Variants in PITPNB observed in about 807,000 individuals in gnomAD.
PITPNB encodes phosphatidylinositol transfer protein beta.
Under a neutral mutation model 45.9 loss-of-function variants are expected in PITPNB, and 16 were observed. The ratio of observed to expected loss-of-function variants is 0.35; its 90% confidence interval spans 0.24 to 0.53. The LOEUF (loss-of-function observed/expected upper bound fraction) is 0.53. Ranked by LOEUF, PITPNB falls within the 20% of genes least tolerant of loss-of-function variation. PITPNB has a pLI of 0.93. For missense variants in PITPNB, 188 were observed against 330.5 expected, an observed-to-expected ratio of 0.57 and a Z score of 3.34; for synonymous variants, 112 against 108.9, an observed-to-expected ratio of 1.03 and a Z score of -0.18.
chr22:27,892,538 T>C (rs969973577), intron 7 of PITPNB, among the ~76,000 whole-genome samples: 4 of 152,196 alleles, frequency 2.6e-5, no homozygotes, highest in African/African-American at 7.2e-5. Context: ...GGCATACTGC[T>C]GCTTGGTATT....
chr22:27,883,552 A>G (rs1452349060), intron 7 of PITPNB, among the ~76,000 whole-genome samples: 1 of 152,262 alleles, frequency 6.6e-6, no homozygotes, highest in Non-Finnish European at 1.5e-5. Context: ...GCCCTACTCC[A>G]AAGATTCTAA....
chr22:27,898,409 TTG>T (rs1013159265), intron 3 of PITPNB, among the ~76,000 whole-genome samples: 8 of 150,794 alleles, frequency 5.3e-5, no homozygotes, highest in Non-Finnish European at 8.9e-5. Context: ...ATAAAAGGTT[TTG>T]TGTGTGTGTG....
At chr22:27,914,981 T>C (rs933467868) in intron 1 of PITPNB, among the ~76,000 whole-genome samples, 9 of 152,256 alleles carry the variant, frequency 5.9e-5, no homozygotes, top group Non-Finnish European at 7.3e-5. Context: ...GAGTTTCTTA[T>C]TGTATATACC....
chr22:27,876,063 C>T (rs1361089273), intron 7 of PITPNB, among the ~76,000 whole-genome samples: 1 of 152,116 alleles, frequency 6.6e-6, no homozygotes, highest in East Asian at 1.9e-4. Context: ...AAAGACCACC[C>T]AAGCTCCTTC....
At chr22:27,914,416 G>T (rs962610037) in intron 1 of PITPNB, 69 bp from the exon 2 acceptor site, 2 of 914,920 alleles carry the variant, frequency 2.2e-6, no homozygotes, top group Admixed American at 4.8e-5. Flanking sequence ...CTCTGAAGAG[G>T]TTTTACCTTA....
At chr22:27,898,570 T>C (rs1935500725) in intron 3 of PITPNB, among the ~76,000 whole-genome samples, 3 of 152,114 alleles carry the variant, frequency 2.0e-5, no homozygotes, top group African/African-American at 7.2e-5. Context: ...ATACTGTTTC[T>C]TAATGCAAAA....
intron 3 of PITPNB, among the ~76,000 whole-genome samples, chr22:27,902,316 G>A (rs1352104443): frequency 6.6e-6 from 1 of 152,086 alleles, no homozygotes; most frequent in African/African-American, 2.4e-5. Flanking sequence ...CCTCCAGCAT[G>A]GCTAGACTGC....
rs757220408 is a variant in PITPNB at position 27,919,192 on chromosome 22, C to T, written c.-1G>A. The T allele has an allele frequency of 3.7e-6, 6 of 1,613,646 alleles. No individual in the cohort carries two copies. The African/African-American group carries it at 4.0e-5, about 11-fold the overall frequency. On this transcript the variant is annotated 5_prime_UTR_variant, in exon 1 of 12. Transcript: ENST00000335272. Reference sequence around the variant, plus strand: ...CTCACAATTCCTTGATCAGCACCATCTTCCCGGAACCCCCTCACAGCTGCC... The same window carrying T: ...CTCACAATTCCTTGATCAGCACCATTTTCCCGGAACCCCCTCACAGCTGCC...
intron 1 of PITPNB, among the ~76,000 whole-genome samples, chr22:27,916,157 T>C (rs1287700962): frequency 6.6e-6 from 1 of 152,224 alleles, no homozygotes; most frequent in African/African-American, 2.4e-5. Context: ...AAGATCCCTA[T>C]TTTTATTTAA....
At chr22:27,865,910 C>A (rs1026359730) in intron 8 of PITPNB, among the ~76,000 whole-genome samples, 1 of 152,102 alleles carries the variant, frequency 6.6e-6, no homozygotes, top group African/African-American at 2.4e-5. Flanking sequence ...TAAAAAACAA[C>A]CCCAAAGCAA....
At chr22:27,857,465 G>A (rs990309849) in intron 10 of PITPNB, among the ~76,000 whole-genome samples, 1 of 152,120 alleles carries the variant, frequency 6.6e-6, no homozygotes, top group African/African-American at 2.4e-5. Flanking sequence ...AGAAAAATAG[G>A]TTTCCTTTTG....
At chr22:27,915,132 A>C (rs182777356) in intron 1 of PITPNB, among the ~76,000 whole-genome samples, 33 of 152,246 alleles carry the variant, frequency 2.2e-4, no homozygotes, top group Non-Finnish European at 4.1e-4. Context: ...TTCCACCATA[A>C]ATCCTGAAAA....
chr22:27,914,763 C>G (rs926072803), intron 1 of PITPNB, among the ~76,000 whole-genome samples: 1 of 152,202 alleles, frequency 6.6e-6, no homozygotes, highest in Non-Finnish European at 1.5e-5. Context: ...ATGCTTCTTA[C>G]AGAATACGTG....
chr22:27,898,456 T>C (rs964256367), intron 3 of PITPNB, among the ~76,000 whole-genome samples: 1 of 151,664 alleles, frequency 6.6e-6, no homozygotes, highest in Admixed American at 6.6e-5. Flanking sequence ...AAGCAATTAT[T>C]TCTTAAGAAC....
At chr22:27,883,452 A>C (rs1935030579) in intron 7 of PITPNB, among the ~76,000 whole-genome samples, 1 of 152,248 alleles carries the variant, frequency 6.6e-6, no homozygotes, top group South Asian at 2.1e-4. Context: ...CCTATGCTAC[A>C]ATCTTCACCA....
At chr22:27,871,299 C>A (rs1332102137) in intron 8 of PITPNB, among the ~76,000 whole-genome samples, 1 of 152,218 alleles carries the variant, frequency 6.6e-6, no homozygotes, top group Non-Finnish European at 1.5e-5. Flanking sequence ...TAGGAAGGAT[C>A]TGAGCCCAAA....
At chr22:27,878,115 T>C (rs959156058) in intron 7 of PITPNB, among the ~76,000 whole-genome samples, 1 of 152,242 alleles carries the variant, frequency 6.6e-6, no homozygotes, top group Non-Finnish European at 1.5e-5. Context: ...AAGTTTTAAA[T>C]GCATGGGTAT....
chr22:27,859,523 C>T (rs1934259699), intron 9 of PITPNB, among the ~76,000 whole-genome samples: 2 of 152,170 alleles, frequency 1.3e-5, no homozygotes, highest in South Asian at 2.1e-4. Context: ...CAACCGTGTG[C>T]ATTTATAAAA....
intron 3 of PITPNB, among the ~76,000 whole-genome samples, chr22:27,902,939 C>T (rs1390001900): frequency 1.3e-5 from 2 of 151,988 alleles, no homozygotes; most frequent in East Asian, 1.9e-4. Flanking sequence ...CTATATTGCC[C>T]GGGCTGGTCT....
Sources: allele counts gnomAD v4.1 joint callset (sites outside exome capture counted in the v4.1 genomes callset), GRCh38; gene constraint gnomAD v4.1.1; transcripts MANE v1.5; gene names NCBI Gene and HGNC (gene_info 2026-07-23, HGNC 2026-07-21).